FBXL7: variants seen among roughly 807,000 people sequenced by gnomAD.
FBXL7 encodes F-box/LRR-repeat protein 7.
In FBXL7, 12 loss-of-function variants were observed where a neutral mutation model predicts 38.3. The observed-to-expected ratio is 0.31, with a 90% CI of 0.20 to 0.51. FBXL7 has a LOEUF of 0.51. FBXL7 is among the 20% of genes least tolerant of loss of function. The pLI, the probability that FBXL7 is intolerant of heterozygous loss-of-function variation, is 0.98. For missense variants in FBXL7, 567 were observed against 676.4 expected, an observed-to-expected ratio of 0.84 and a Z score of 1.79; for synonymous variants, 297 against 300.9, an observed-to-expected ratio of 0.99 and a Z score of 0.13.
At chr5:15,777,582 C>T (rs191636024) in intron 2 of FBXL7, among the ~76,000 whole-genome samples, 33 of 151,708 alleles carry the variant, frequency 2.2e-4, no homozygotes, top group African/African-American at 6.8e-4. Context: ...ATCCACATGG[C>T]GCAGTTTTGA....
chr5:15,582,738 T>C (rs1008641875), intron 1 of FBXL7, among the ~76,000 whole-genome samples: 2 of 152,228 alleles, frequency 1.3e-5, no homozygotes, highest in African/African-American at 2.4e-5. Flanking sequence ...ATTCAATACA[T>C]GATGTGCAAT....
chr5:15,927,246 TGTC>T (rs1323975853), intron 2 of FBXL7, among the ~76,000 whole-genome samples: 2 of 152,166 alleles, frequency 1.3e-5, no homozygotes, highest in Non-Finnish European at 2.9e-5. Context: ...TGGCAGGGCT[TGTC>T]GTTGCAAGGG....
At chr5:15,845,842 G>A (rs1168805398) in intron 2 of FBXL7, among the ~76,000 whole-genome samples, 1 of 152,080 alleles carries the variant, frequency 6.6e-6, no homozygotes, top group Non-Finnish European at 1.5e-5. Context: ...GTGGTGGCGG[G>A]TGCCTGGAGT....
intron 2 of FBXL7, among the ~76,000 whole-genome samples, chr5:15,917,609 A>G (rs1741618698): frequency 6.6e-6 from 1 of 150,572 alleles, no homozygotes; most frequent in Non-Finnish European, 1.5e-5. Flanking sequence ...CCCTGTCTCA[A>G]AAATAAAGTA....
At chr5:15,809,005 C>G (rs1490814664) in intron 2 of FBXL7, among the ~76,000 whole-genome samples, 1 of 152,180 alleles carries the variant, frequency 6.6e-6, no homozygotes, top group Non-Finnish European at 1.5e-5. Context: ...AAGTGCAACT[C>G]AGCAGAAGGA....
At chr5:15,683,383 C>T (rs982935145) in intron 2 of FBXL7, among the ~76,000 whole-genome samples, 2 of 152,184 alleles carry the variant, frequency 1.3e-5, no homozygotes, top group African/African-American at 2.4e-5. Flanking sequence ...GGACCCGTGT[C>T]AGGGAGTCAC....
intron 2 of FBXL7, among the ~76,000 whole-genome samples, chr5:15,776,557 C>T (rs1046664104): frequency 1.3e-5 from 2 of 152,084 alleles, no homozygotes; most frequent in African/African-American, 4.8e-5. Context: ...CATCTTGCAC[C>T]CATTTTCTAA....
At chr5:15,771,011 A>G (rs1736715218) in intron 2 of FBXL7, among the ~76,000 whole-genome samples, 2 of 152,210 alleles carry the variant, frequency 1.3e-5, no homozygotes, top group South Asian at 2.1e-4. Context: ...CGGAATTTCC[A>G]CATCTCCAAT....
intron 2 of FBXL7, among the ~76,000 whole-genome samples, chr5:15,704,533 C>G (rs1743624069): frequency 6.6e-6 from 1 of 152,168 alleles, no homozygotes; most frequent in Admixed American, 6.5e-5. Context: ...ATGCAGAGCT[C>G]CATGTGGTGA....
chr5:15,772,017 C>T (rs777501642), intron 2 of FBXL7, among the ~76,000 whole-genome samples: 6 of 151,970 alleles, frequency 3.9e-5, no homozygotes, highest in African/African-American at 1.5e-4. Flanking sequence ...GTGATCCACC[C>T]GCCTGGGCCT....
At chr5:15,718,284 A>T (rs549714490) in intron 2 of FBXL7, among the ~76,000 whole-genome samples, 11 of 152,128 alleles carry the variant, frequency 7.2e-5, no homozygotes, top group African/African-American at 2.4e-4. Flanking sequence ...TGTAGGTTTG[A>T]CGTTTTTCAA....
intron 2 of FBXL7, among the ~76,000 whole-genome samples, chr5:15,867,932 C>T (rs986277324): frequency 2.0e-5 from 3 of 151,966 alleles, no homozygotes; most frequent in African/African-American, 2.4e-5. Flanking sequence ...GGTGAAACCC[C>T]GTCTCTGGTA....
At chr5:15,847,205 A>C (rs1246130696) in intron 2 of FBXL7, among the ~76,000 whole-genome samples, 1 of 152,190 alleles carries the variant, frequency 6.6e-6, no homozygotes. Context: ...TTATAAAGGA[A>C]AGAGGTTTAA....
chr5:15,514,250 G>A (rs1736874236), intron 1 of FBXL7, among the ~76,000 whole-genome samples: 1 of 152,202 alleles, frequency 6.6e-6, no homozygotes, highest in Non-Finnish European at 1.5e-5. Flanking sequence ...CCAAGTTGCT[G>A]CCTGCAAATT....
chr5:15,771,451 A>G (rs1736724993), intron 2 of FBXL7, among the ~76,000 whole-genome samples: 1 of 152,232 alleles, frequency 6.6e-6, no homozygotes, highest in African/African-American at 2.4e-5. Flanking sequence ...GTACAAACTT[A>G]TTAAGTCCGT....
At chr5:15,912,634 CT>C (rs1225799995) in intron 2 of FBXL7, among the ~76,000 whole-genome samples, 1 of 151,994 alleles carries the variant, frequency 6.6e-6, no homozygotes. Flanking sequence ...TTATTATTAA[CT>C]TTGCATTAAA....
intron 2 of FBXL7, among the ~76,000 whole-genome samples, chr5:15,926,101 T>A (rs1433465559): frequency 6.6e-6 from 1 of 152,150 alleles, no homozygotes; most frequent in African/African-American, 2.4e-5. Flanking sequence ...ACCTGGGATA[T>A]GTTAAATTTA....
At chr5:15,906,002 A>C (rs1415913480) in intron 2 of FBXL7, among the ~76,000 whole-genome samples, 1 of 152,080 alleles carries the variant, frequency 6.6e-6, no homozygotes, top group African/African-American at 2.4e-5. Context: ...ATCAACGTAA[A>C]TGATGAGCCA....
intron 2 of FBXL7, among the ~76,000 whole-genome samples, chr5:15,735,668 A>C (rs942773352): frequency 6.6e-6 from 1 of 152,244 alleles, no homozygotes; most frequent in African/African-American, 2.4e-5. Context: ...TAGAGGTTAA[A>C]TGTAAGAAGT....
Sources: allele counts gnomAD v4.1 joint callset (sites outside exome capture counted in the v4.1 genomes callset), GRCh38; gene constraint gnomAD v4.1.1; transcripts MANE v1.5; gene names NCBI Gene and HGNC (gene_info 2026-07-23, HGNC 2026-07-21).